The following CARF variants were observed in gnomAD, a reference collection of about 807,000 sequenced individuals.
The protein encoded by CARF is calcium responsive transcription factor.
A neutral mutation model predicts 82.0 loss-of-function variants in CARF; 57 were observed. The ratio of observed to expected loss-of-function variants is 0.70; its 90% CI spans 0.56 to 0.87. The LOEUF is 0.87. CARF is among the 40% of genes least tolerant of loss of function. The probability of loss-of-function intolerance (pLI) is 0.00; values close to 1 mark genes in which losing one functional copy is unlikely to be tolerated. For synonymous variants in CARF, 268 were observed against 290.1 expected (o/e 0.92, Z 0.77); for missense variants, 771 against 855.8 (o/e 0.90, Z 1.24).
At chr2:202,914,897 T>G (rs1412903940) in intron 1 of CARF, among the ~76,000 whole-genome samples, 1 of 152,130 alleles carries the variant, frequency 6.6e-6, no homozygotes, top group Non-Finnish European at 1.5e-5. Context: ...TAAATAAAAT[T>G]GACATTGTGA....
chr2:202,976,199 GTC>G (rs1461086429), intron 13 of CARF, among the ~76,000 whole-genome samples: 5 of 149,306 alleles, frequency 3.3e-5, no homozygotes, highest in African/African-American at 4.9e-5. Flanking sequence ...TTTTGAGACA[GTC>G]TCTCTCTCTC....
chr2:202,926,689 T>C (rs1691891697), intron 3 of CARF, among the ~76,000 whole-genome samples: 1 of 152,208 alleles, frequency 6.6e-6, no homozygotes, highest in Admixed American at 6.5e-5. Context: ...TTGGAAGATA[T>C]AATATCTTAT....
chr2:202,978,624 C>A (rs377321802), intron 14 of CARF, among the ~76,000 whole-genome samples: 17 of 152,242 alleles, frequency 1.1e-4, no homozygotes, highest in Admixed American at 2.0e-4. Flanking sequence ...GGTGAAGGTC[C>A]AATCAAAGTT....
chr2:202,963,715 G>A (rs529332173), intron 9 of CARF, among the ~76,000 whole-genome samples: 278 of 152,280 alleles, frequency 1.8e-3, no homozygotes, highest in African/African-American at 6.5e-3. Flanking sequence ...GGAGGTGATC[G>A]GAGACAGTGA....
At chr2:202,934,690 A>C (rs909818708) in intron 3 of CARF, 5 of 152,342 alleles carry the variant, frequency 3.3e-5, no homozygotes, top group African/African-American at 9.6e-5. Context: ...CCTGGGATCA[A>C]GCAGTCTGCC....
At chr2:202,932,003 T>G (rs1389194137) in intron 3 of CARF, among the ~76,000 whole-genome samples, 1 of 152,162 alleles carries the variant, frequency 6.6e-6, no homozygotes, top group Admixed American at 6.5e-5. Context: ...GCATTGTGGC[T>G]TCTACTGGGG....
Position 202,933,531 on chromosome 2 carries a change from C to G in CARF, c.-43-8329C>G, listed in dbSNP as rs192600709. 2.5e-3 allele frequency among the ~76,000 whole-genome samples: 385 copies of G among 152,244 alleles called. 2 individuals carry two copies. Among genetic ancestry groups the G allele is most frequent in the African/African-American group, 8.8e-3 (364 of 41,540 alleles). The stretch of plus-strand genomic sequence containing the variant: ...TTACTGGAATCCTCTTGCTTCCCTC[C>G]TTGCTGCAGGGAGTTCTTCCTGGTT... On this transcript the variant is annotated intron_variant, in intron 3 of 16. Transcript: ENST00000438828.
Position 202,961,366 on chromosome 2 carries a change from A to G in CARF, c.772A>G (p.Thr258Ala), listed in dbSNP as rs375805618. ...GTCTCCAAGCCCAGCCAAGCCTGCT[A>G]CACGCTTGATGTGGAAATCCCAGTA... ...RQSPSPAKPATRLMWKSQYVP... is the reference protein window; with the variant it reads ...RQSPSPAKPAARLMWKSQYVP... The change falls in exon 9 of 17, where the codon ACA (threonine) becomes GCA (alanine). Residue 258 changes from threonine to alanine, a missense_variant. Coordinates refer to ENST00000438828, the MANE Select transcript of CARF (RefSeq NM_024744.17). 104 of 1,614,098 alleles carry G rather than the reference A, an allele frequency of 6.4e-5. No homozygotes were observed. The highest frequency in any genetic ancestry group is 8.6e-5 in the Non-Finnish European group (102 of 1,180,038).
At chr2:202,926,393 A>C (rs558614085) in intron 3 of CARF, among the ~76,000 whole-genome samples, 3 of 152,366 alleles carry the variant, frequency 2.0e-5, no homozygotes, top group Non-Finnish European at 2.9e-5. Flanking sequence ...AAGCCAAAGA[A>C]AAAAGCAATT....
In CARF at chr2:202,981,563, C is replaced by G; in HGVS notation, c.1567C>G (p.Pro523Ala). The part of the protein sequence containing the change: ...MTVTFAEGNS[P>A]GESITTKVET... ...TCTTTAATATAATTTAGGAAATTCA[C>G]CAGGAGAATCAATTACCACCAAAGT... Residue 523 changes from proline (P) to alanine (A), a missense_variant, in exon 15 of 17, where the codon CCA becomes GCA. By Grantham distance (27) the Pro-to-Ala change is conservative. Coordinates refer to ENST00000438828, the MANE Select transcript of CARF (RefSeq NM_024744.17). The G allele has an allele frequency of 6.3e-7, 1 of 1,593,600 alleles. No homozygotes were observed. Among genetic ancestry groups the G allele is most frequent in the Non-Finnish European group, 8.6e-7 (1 of 1,169,022 alleles).
In CARF at chr2:202,977,289, T is replaced by C. The variant is rs1338476231; in HGVS notation, c.1515T>C (p.Ser505=). 6.2e-7 allele frequency: 1 copy of C among 1,612,528 alleles called. No individual in the cohort carries two copies. The highest frequency in any genetic ancestry group is 8.5e-7 in the Non-Finnish European group (1 of 1,179,178). Residue 505 remains serine, a synonymous_variant, in exon 14 of 17, where the codon AGT becomes AGC. Transcript: ENST00000438828. ...TTCAGCTTCAATGGACTACAGACAG[T>C]GGGAATATTCTCAAAGAGACCATGA... ...IPATLQWTTD[S]GNILKETMTV... is the part of the protein sequence containing the mutation.
chr2:202,987,469 A>G lies in CARF; in HGVS notation c.*3845A>G, dbSNP rs942999104. 2.0e-5 allele frequency among the ~76,000 whole-genome samples: 3 copies of G among 152,144 alleles called. No individual in the cohort carries two copies. The highest frequency in any genetic ancestry group is 4.4e-5 in the Non-Finnish European group (3 of 68,034). ...TTCTTCTCCATCAGCTGGCTTAGAC[A>G]TCAAACATCTTAAATGATACACTGT... On this transcript the variant is annotated 3_prime_UTR_variant, in exon 17 of 17. Transcript: ENST00000438828.
rs374804675 is a variant in CARF, at chr2:202,924,050, T to G, written c.-162-247T>G. Among the ~76,000 whole-genome samples the G allele has an allele frequency of 1.4e-4, 22 of 152,352 alleles. No homozygotes were observed. The East Asian group carries it at 2.1e-3, about 15-fold the overall frequency. ...CTAATGACTAATGCTGATCAGCATCTTTTGTGTGCTTACTTGCTAGCTATA... is the reference window on the plus strand; with the variant it reads ...CTAATGACTAATGCTGATCAGCATCGTTTGTGTGCTTACTTGCTAGCTATA... On this transcript the variant is annotated intron_variant, in intron 2 of 16. Coordinates refer to ENST00000438828, the MANE Select transcript of CARF (RefSeq NM_024744.17).
chr2:202,930,619 G>A (rs925467573), intron 3 of CARF, among the ~76,000 whole-genome samples: 34 of 152,140 alleles, frequency 2.2e-4, no homozygotes, highest in African/African-American at 7.7e-4. Context: ...ATTGTGAGTT[G>A]TTTTCCGACT....
intron 3 of CARF, among the ~76,000 whole-genome samples, chr2:202,937,980 G>T (rs1694222634): frequency 6.6e-6 from 1 of 151,796 alleles, no homozygotes; most frequent in Non-Finnish European, 1.5e-5. Flanking sequence ...ATATTTATGG[G>T]GTACATGAAA....
rs2058806521 is a variant in CARF at position 202,952,576 on chromosome 2, A to G, written c.324A>G (p.Pro108=). The G allele has an allele frequency of 6.2e-7, 1 of 1,613,708 alleles. No individual in the cohort carries two copies. Among genetic ancestry groups the G allele is most frequent in the East Asian group, 2.2e-5 (1 of 44,850 alleles). Residue 108 remains proline (P), a synonymous_variant, in exon 6 of 17, where the codon CCA becomes CCG. Transcript: ENST00000438828. ...CTTCCAAGATGATCGTTGCCAGCCCAACAGAAAATGGACAGGTACTTCGTG... is the reference window on the plus strand; with the variant it reads ...CTTCCAAGATGATCGTTGCCAGCCCGACAGAAAATGGACAGGTACTTCGTG... The part of the protein sequence containing the change: ...SNAQMMIVAS[P]TENGQVLRVI...
chr2:202,924,281 G>A lies in CARF; in HGVS notation c.-162-16G>A, dbSNP rs1267010205. 1 of 151,844 alleles carries A rather than the reference G, an allele frequency of 6.6e-6. No individual in the cohort carries two copies. The highest frequency in any genetic ancestry group is 2.4e-5 in the African/African-American group (1 of 41,320). The allele number at this position is 151,844 out of a possible 1,614,324, so 9.4% of individuals were successfully genotyped here. ...CATAGATTTTTTTCTTTTATATTTT[G>A]TACTGTTTGTTTCAGGTTTAATATA... is the stretch of plus-strand genomic sequence containing the variant. On this transcript the variant is annotated splice_polypyrimidine_tract_variant and intron_variant, in intron 2 of 16. Coordinates refer to ENST00000438828, the MANE Select transcript of CARF (RefSeq NM_024744.17).
chr2:202,967,895 C>A (rs1261673626), intron 10 of CARF, among the ~76,000 whole-genome samples: 4 of 152,036 alleles, frequency 2.6e-5, no homozygotes. Flanking sequence ...AGTCATTGCT[C>A]TTGGTAAGAA....
rs116461611 is a variant in CARF at position 202,960,728 on chromosome 2, A to G, written c.643-509A>G. Among the ~76,000 whole-genome samples the G allele has an allele frequency of 4.7e-3, 627 of 134,388 alleles. 1 individual carries two copies. Among genetic ancestry groups the G allele is most frequent in the Non-Finnish European group, 6.8e-3 (405 of 59,412 alleles). 88.2% of individuals were successfully genotyped at this position (134,388 alleles called of 152,430 possible). The stretch of plus-strand genomic sequence containing the variant: ...CACCTTCCCGCCTTCCCGCCTTCCC[A>G]CCTTCCCGCCTTCCCGCCTTCCTGC... On this transcript the variant is annotated intron_variant, in intron 8 of 16. Transcript: ENST00000438828.
Sources: gnomAD v4.1 joint callset for allele counts (sites outside exome capture counted in the v4.1 genomes callset) on GRCh38, gnomAD v4.1.1 for gene constraint, MANE v1.5 for transcripts, NCBI Gene and HGNC (gene_info 2026-07-23, HGNC 2026-07-21) for gene names.